Variants in LRRC4C observed in about 807,000 individuals in gnomAD.
The protein encoded by LRRC4C is leucine-rich repeat-containing protein 4C.
In LRRC4C, 5 loss-of-function variants were observed where a neutral mutation model predicts 33.6. The observed-to-expected ratio is 0.15, with a 90% CI of 0.08 to 0.31. LRRC4C has a LOEUF of 0.31. LRRC4C is among the 10% of genes least tolerant of loss of function. LRRC4C has a pLI of 1.00. For missense variants in LRRC4C, 560 were observed against 796.7 expected, an observed-to-expected ratio of 0.70 and a Z score of 3.58; for synonymous variants, 329 against 302.0, an observed-to-expected ratio of 1.09 and a Z score of -0.93.
intron 1 of LRRC4C, among the ~76,000 whole-genome samples, chr11:41,456,681 C>T (rs1449615229): frequency 1.3e-5 from 2 of 152,108 alleles, no homozygotes; most frequent in African/African-American, 2.4e-5. Flanking sequence ...TCTTTAGCAG[C>T]TGTGACAAGT....
intron 1 of LRRC4C, among the ~76,000 whole-genome samples, chr11:41,302,019 G>T (rs1389635293): frequency 6.6e-6 from 1 of 151,974 alleles, no homozygotes; most frequent in Non-Finnish European, 1.5e-5. Context: ...AATAATTTCA[G>T]AAAATTTAAC....
At chr11:40,683,880 C>A (rs7105426) in intron 2 of LRRC4C, among the ~76,000 whole-genome samples, 2,494 of 152,232 alleles carry the variant, frequency 0.016, 39 homozygotes, top group South Asian at 0.029. Context: ...GCTAAAACGC[C>A]AGGCTTGCTG....
intron 2 of LRRC4C, among the ~76,000 whole-genome samples, chr11:40,709,175 C>G (rs1023905143): frequency 4.6e-5 from 7 of 152,110 alleles, no homozygotes; most frequent in African/African-American, 1.7e-4. Context: ...CAGTCTGTGT[C>G]TTTTAATTGG....
At chr11:40,184,419 A>G (rs1861249229) in intron 5 of LRRC4C, among the ~76,000 whole-genome samples, 2 of 152,224 alleles carry the variant, frequency 1.3e-5, no homozygotes, top group African/African-American at 4.8e-5. Flanking sequence ...AATAGAATAA[A>G]AAAGGGTTTG....
Position 40,825,946 on chromosome 11 carries a change from G to T in LRRC4C, c.-407+107689C>A, listed in dbSNP as rs570239473. 2.5e-4 allele frequency among the ~76,000 whole-genome samples: 13 copies of T among 51,784 alleles called. 1 individual carries two copies. The highest frequency in any genetic ancestry group is 4.4e-4 in the Non-Finnish European group (9 of 20,318). The allele number at this position is 51,784 out of a possible 152,430, so 34.0% of individuals were successfully genotyped here. A position where few individuals can be genotyped will look rare whatever the true frequency, so the allele number is the denominator to read the frequency against. ...TGCTTCACATATTGTATTCTGGGGG[G>T]GGGGCGTCTCACATATATTCAATGA... On this transcript the variant is annotated intron_variant, in intron 2 of 6. Coordinates refer to ENST00000528697, the MANE Select transcript of LRRC4C (RefSeq NM_001258419.2).
chr11:40,378,990 G>A (rs1481426224), intron 3 of LRRC4C, among the ~76,000 whole-genome samples: 3 of 151,970 alleles, frequency 2.0e-5, no homozygotes, highest in African/African-American at 7.3e-5. Context: ...TATTATAGAT[G>A]GATAATTAAC....
chr11:41,181,584 A>C (rs748147775), intron 1 of LRRC4C, among the ~76,000 whole-genome samples: 3 of 152,188 alleles, frequency 2.0e-5, no homozygotes, highest in Non-Finnish European at 2.9e-5. Flanking sequence ...TTAACAATTA[A>C]AGGGTGAGGA....
intron 1 of LRRC4C, among the ~76,000 whole-genome samples, chr11:41,347,633 G>A (rs1195067802): frequency 6.6e-6 from 1 of 152,088 alleles, no homozygotes; most frequent in African/African-American, 2.4e-5. Flanking sequence ...AATATTATTT[G>A]ATTGTACAAA....
chr11:40,289,051 C>T (rs991510350), intron 4 of LRRC4C, among the ~76,000 whole-genome samples: 3 of 152,158 alleles, frequency 2.0e-5, no homozygotes, highest in Non-Finnish European at 4.4e-5. Flanking sequence ...TCATAATGCA[C>T]AGTTTCTAGT....
At chr11:40,228,595 G>A (rs561940731) in intron 5 of LRRC4C, among the ~76,000 whole-genome samples, 1 of 152,306 alleles carries the variant, frequency 6.6e-6, no homozygotes, top group East Asian at 1.9e-4. Context: ...AGGACTAGCA[G>A]GCATATTTTC....
At chr11:40,143,777 T>C (rs577173509) in intron 5 of LRRC4C, among the ~76,000 whole-genome samples, 3 of 152,190 alleles carry the variant, frequency 2.0e-5, no homozygotes, top group Non-Finnish European at 4.4e-5. Context: ...AAACTAGAGA[T>C]AACATGTACA....
At chr11:40,398,856 C>T (rs1949646914) in intron 3 of LRRC4C, among the ~76,000 whole-genome samples, 1 of 152,076 alleles carries the variant, frequency 6.6e-6, no homozygotes, top group African/African-American at 2.4e-5. Flanking sequence ...AGCAACAACA[C>T]TGTCATCATT....
At chr11:40,609,977 A>G (rs1160143089) in intron 3 of LRRC4C, among the ~76,000 whole-genome samples, 1 of 151,980 alleles carries the variant, frequency 6.6e-6, no homozygotes, top group East Asian at 1.9e-4. Context: ...AAAATAATTA[A>G]TGCCAACCCT....
At chr11:40,370,793 A>T (rs1167285430) in intron 3 of LRRC4C, among the ~76,000 whole-genome samples, 1 of 152,228 alleles carries the variant, frequency 6.6e-6, no homozygotes, top group Non-Finnish European at 1.5e-5. Context: ...TTTCCATGAG[A>T]TGAAAAATTG....
intron 3 of LRRC4C, among the ~76,000 whole-genome samples, chr11:40,326,126 C>T (rs1414618361): frequency 6.6e-6 from 1 of 151,384 alleles, no homozygotes; most frequent in Admixed American, 6.6e-5. Context: ...TGCTTGCTTG[C>T]TCACTATTGA....
chr11:41,308,959 C>A (rs1204834253), intron 1 of LRRC4C, among the ~76,000 whole-genome samples: 2 of 152,122 alleles, frequency 1.3e-5, no homozygotes, highest in African/African-American at 4.8e-5. Flanking sequence ...CATGCGTCAA[C>A]ACGCCCGGCT....
chr11:40,870,817 A>G (rs1173787605), intron 2 of LRRC4C, among the ~76,000 whole-genome samples: 1 of 152,216 alleles, frequency 6.6e-6, no homozygotes, highest in Non-Finnish European at 1.5e-5. Flanking sequence ...CACCTTGAAA[A>G]AAGAACAAGA....
chr11:41,398,069 C>G (rs1483264704), intron 1 of LRRC4C, among the ~76,000 whole-genome samples: 1 of 151,904 alleles, frequency 6.6e-6, no homozygotes, highest in Non-Finnish European at 1.5e-5. Flanking sequence ...ACACTTGGAG[C>G]TGAATTATTC....
chr11:41,169,640 A>G (rs1200313966), intron 1 of LRRC4C, among the ~76,000 whole-genome samples: 5 of 152,194 alleles, frequency 3.3e-5, no homozygotes, highest in African/African-American at 9.6e-5. Context: ...ATCTTTTGGC[A>G]TGATCTTTTC....
Sources: allele counts gnomAD v4.1 joint callset (sites outside exome capture counted in the v4.1 genomes callset), GRCh38; gene constraint gnomAD v4.1.1; transcripts MANE v1.5; gene names NCBI Gene and HGNC (gene_info 2026-07-23, HGNC 2026-07-21).